Variants in FLVCR2 observed in about 807,000 individuals in gnomAD.
FLVCR2 encodes the protein FLVCR choline and putative heme transporter 2, also known as choline/ethanolamine transporter FLVCR2.
In FLVCR2, 38 loss-of-function variants were observed where a neutral mutation model predicts 48.9. The ratio of observed to expected loss-of-function variants is 0.78; its 90% CI spans 0.60 to 1.02. The LOEUF (loss-of-function observed/expected upper bound fraction) is 1.02, where lower values mean the gene tolerates loss of function less well. Ranked by LOEUF, FLVCR2 falls within the 50% of genes least tolerant of loss-of-function variation. The pLI is 0.00. For synonymous variants in FLVCR2, 255 were observed against 257.0 expected, an observed-to-expected ratio of 0.99 and a Z score of 0.07; for missense variants, 664 against 663.3, an observed-to-expected ratio of 1.00 and a Z score of -0.01.
At chr14:75,634,839 C>T (rs566117740) in intron 4 of FLVCR2, 71 bp from the exon 5 acceptor site, 5 of 984,992 alleles carry the variant, frequency 5.1e-6, no homozygotes, top group African/African-American at 4.7e-5. Flanking sequence ...TTCCTTCACC[C>T]CATGGTGACT....
chr14:75,640,446 T>G (rs991877339), intron 6 of FLVCR2, among the ~76,000 whole-genome samples: 1 of 151,752 alleles, frequency 6.6e-6, no homozygotes, highest in Admixed American at 6.6e-5. Flanking sequence ...TGTATGTGCA[T>G]GTGAAAGAGA....
At chr14:75,616,866 T>G (rs906632872) in intron 1 of FLVCR2, among the ~76,000 whole-genome samples, 6 of 152,216 alleles carry the variant, frequency 3.9e-5, no homozygotes, top group African/African-American at 1.4e-4. Context: ...GGACTACTGG[T>G]TCTTTTCCTG....
At chr14:75,596,016 A>G in intron 1 of FLVCR2, 1 of 1,455,988 alleles carries the variant, frequency 6.9e-7, no homozygotes, top group East Asian at 2.3e-5. Flanking sequence ...GCCACCACCA[A>G]AATGAGTTTT....
rs745394886 is a variant in FLVCR2 at position 75,635,026 on chromosome 14, T to A, written c.1124+13T>A. The A allele has an allele frequency of 9.1e-6, 14 of 1,541,666 alleles. No individual in the cohort carries two copies. The highest frequency in any genetic ancestry group is 1.4e-5 in the African/African-American group (1 of 73,574). On this transcript the variant is annotated intron_variant, in intron 5 of 9. Coordinates refer to ENST00000238667, the MANE Select transcript of FLVCR2 (RefSeq NM_017791.3). ...CCAAAACCTACAAGTAAGTGACTCA[T>A]CCTCTTGGACTGAGAATTGGGGACC...
intron 5 of FLVCR2, among the ~76,000 whole-genome samples, chr14:75,639,032 C>T (rs111485367): frequency 1.2e-4 from 18 of 152,060 alleles, no homozygotes; most frequent in African/African-American, 2.2e-4. Context: ...CTGGCCAACA[C>T]GGCAAAACAC....
Position 75,578,870 on chromosome 14 carries a change from A to G in FLVCR2, c.-103A>G. 9.5e-7 allele frequency: 1 copy of G among 1,057,962 alleles called. No homozygotes were observed. Among genetic ancestry groups the G allele is most frequent in the Middle Eastern group, 2.0e-4 (1 of 5,056 alleles). 65.5% of individuals were successfully genotyped at this position (1,057,962 alleles called of 1,614,324 possible). On this transcript the variant is annotated 5_prime_UTR_variant, in exon 1 of 10. It adds an upstream start codon to the 5' untranslated region. Transcript: ENST00000238667. Reference sequence around the variant, plus strand: ...CTCTAGTCTCTGTTTCTTCTGGAATAGGCAAGTGTCCTTTCAACTCTAAGA... The same window carrying G: ...CTCTAGTCTCTGTTTCTTCTGGAATGGGCAAGTGTCCTTTCAACTCTAAGA...
rs938821641 is a variant in FLVCR2, at chr14:75,647,988, G to T, written c.*1516G>T. The T allele has an allele frequency of 6.5e-6, 1 of 152,934 alleles. No individual in the cohort carries two copies. Among genetic ancestry groups the T allele is most frequent in the Non-Finnish European group, 1.5e-5 (1 of 68,054 alleles). 9.5% of individuals were successfully genotyped at this position (152,934 alleles called of 1,614,324 possible). On this transcript the variant is annotated 3_prime_UTR_variant, in exon 10 of 10. Transcript: ENST00000238667. ...CGTTTTCGGCAGAAGTAGTGAGTCA[G>T]TGTGGAAGAGAGGTGAGGGTGTGCT...
At chr14:75,590,712 G>A (rs921993296) in intron 1 of FLVCR2, among the ~76,000 whole-genome samples, 5 of 152,168 alleles carry the variant, frequency 3.3e-5, no homozygotes, top group Non-Finnish European at 5.9e-5. Flanking sequence ...CTTCTACTCT[G>A]TCCAGGTGAT....
rs531901771 is a variant in FLVCR2, at chr14:75,646,628, G to A, written c.*156G>A. On this transcript the variant is annotated 3_prime_UTR_variant, in exon 10 of 10. Transcript: ENST00000238667. ...ATGGCCTATTCCTCCTAGAACCCACGTAAGAGCTTGGATGATTTAGTTGGA... is the reference window on the plus strand; with the variant it reads ...ATGGCCTATTCCTCCTAGAACCCACATAAGAGCTTGGATGATTTAGTTGGA... 5.7e-5 allele frequency: 39 copies of A among 684,598 alleles called. 1 individual carries two copies. The highest frequency in any genetic ancestry group is 2.6e-4 in the South Asian group (17 of 65,546). The allele number at this position is 684,598 out of a possible 1,614,324, so 42.4% of individuals were successfully genotyped here.
chr14:75,635,189 C>T (rs973440897), intron 5 of FLVCR2, among the ~76,000 whole-genome samples, 176 bp downstream of exon 5: 6 of 152,144 alleles, frequency 3.9e-5, no homozygotes, highest in Non-Finnish European at 7.4e-5. Flanking sequence ...AAGCTATACC[C>T]GTCTTAAGAT....
chr14:75,596,195 T>C (rs1220733805), intron 1 of FLVCR2: 4 of 712,394 alleles, frequency 5.6e-6, no homozygotes, highest in South Asian at 1.5e-5. Context: ...GGATAGTTAC[T>C]GTGTCGTTCA....
chr14:75,622,103 G>A lies in FLVCR2; in HGVS notation c.694G>A (p.Val232Ile), dbSNP rs1889781705. The A allele has an allele frequency of 1.9e-6, 3 of 1,614,094 alleles. No homozygotes were observed. The highest frequency in any genetic ancestry group is 2.5e-6 in the Non-Finnish European group (3 of 1,180,024). ...GCTTGGAATTGCGATTGGGTTCTTG[G>A]TCCCTCCTGTTTTGGTACCCAACAT... ...NQLGIAIGFL[V>I]PPVLVPNIED... The change falls in exon 2 of 10, where the codon GTC becomes ATC. Residue 232 changes from valine (V) to isoleucine (I), a missense_variant. Coordinates refer to ENST00000238667, the MANE Select transcript of FLVCR2 (RefSeq NM_017791.3).
At chr14:75,587,585 G>A (rs1888781602) in intron 1 of FLVCR2, among the ~76,000 whole-genome samples, 1 of 152,190 alleles carries the variant, frequency 6.6e-6, no homozygotes, top group Non-Finnish European at 1.5e-5. Context: ...TGAGCCTGGA[G>A]AATACAACTG....
intron 9 of FLVCR2, among the ~76,000 whole-genome samples, chr14:75,644,439 C>G (rs1214034793): frequency 6.6e-6 from 1 of 152,184 alleles, no homozygotes; most frequent in African/African-American, 2.4e-5. Context: ...GCAGCCAGCT[C>G]TTTGTGTACA....
chr14:75,643,715 T>C (rs1890353981), intron 9 of FLVCR2, among the ~76,000 whole-genome samples: 1 of 152,202 alleles, frequency 6.6e-6, no homozygotes, highest in African/African-American at 2.4e-5. Flanking sequence ...TCTTTAATTC[T>C]GTGTCAGGGC....
intron 1 of FLVCR2, among the ~76,000 whole-genome samples, chr14:75,591,539 T>C (rs970152353): frequency 4.0e-5 from 6 of 151,438 alleles, no homozygotes; most frequent in African/African-American, 1.5e-4. Flanking sequence ...CCCACATGGC[T>C]GTACTCACAG....
At chr14:75,601,083 C>A (rs1417274731) in intron 1 of FLVCR2, among the ~76,000 whole-genome samples, 1 of 152,144 alleles carries the variant, frequency 6.6e-6, no homozygotes, top group African/African-American at 2.4e-5. Flanking sequence ...AAAGATTTAC[C>A]CACGTATTTA....
At position 75,610,761 on chromosome 14, in the gene FLVCR2, A is replaced by G. The variant is rs188127204; in HGVS notation, c.670-11318A>G. On this transcript the variant is annotated intron_variant, in intron 1 of 9. Coordinates refer to ENST00000238667, the MANE Select transcript of FLVCR2 (RefSeq NM_017791.3). ...AAGAGTGAGAAGTTGATTGGTCTGC[A>G]TTCGAATCCCCTCCATGCCTGATCT... Among the ~76,000 whole-genome samples the G allele has an allele frequency of 2.7e-3, 411 of 152,340 alleles. 1 individual carries two copies. The highest frequency in any genetic ancestry group is 6.2e-3 in the Admixed American group (95 of 15,300).
In FLVCR2 at chr14:75,605,613, G is replaced by A. The variant is rs531958124; in HGVS notation, c.670-16466G>A. ...CAGCACCATCTGTGTTTGTAGAAGC[G>A]TGAGACAGGAGGTGAGGATAGATCT... On this transcript the variant is annotated intron_variant, in intron 1 of 9. Coordinates refer to ENST00000238667, the MANE Select transcript of FLVCR2 (RefSeq NM_017791.3). 168 of 1,536,104 alleles carry A rather than the reference G, an allele frequency of 1.1e-4. 1 individual carries two copies. Among genetic ancestry groups the A allele is most frequent in the East Asian group, 4.6e-4 (19 of 40,920 alleles).
Sources: gnomAD v4.1 joint callset for allele counts (sites outside exome capture counted in the v4.1 genomes callset) on GRCh38, gnomAD v4.1.1 for gene constraint, MANE v1.5 for transcripts, NCBI Gene and HGNC (gene_info 2026-07-23, HGNC 2026-07-21) for gene names.